ABLIM3: variants seen among roughly 807,000 people sequenced by gnomAD.
ABLIM3 encodes the protein actin-binding LIM protein 3.
Under a neutral mutation model 109.5 loss-of-function variants are expected in ABLIM3, and 61 were observed. That is an observed-to-expected ratio of 0.56 (90% CI 0.45 to 0.69). ABLIM3 has a LOEUF of 0.69. Ranked by LOEUF, ABLIM3 falls within the 30% of genes least tolerant of loss-of-function variation. ABLIM3 has a pLI of 0.00. For synonymous variants in ABLIM3, 300 were observed against 324.8 expected, an observed-to-expected ratio of 0.92 and a Z score of 0.82; for missense variants, 796 against 889.5, an observed-to-expected ratio of 0.89 and a Z score of 1.34.
chr5:149,250,641 C>A, intron 20 of ABLIM3, 136 bp downstream of exon 20: 1 of 1,014,182 alleles, frequency 9.9e-7, no homozygotes, highest in Non-Finnish European at 1.5e-6. Flanking sequence ...AACTGTATGG[C>A]AATGACTTGC....
chr5:149,147,743 C>T (rs1753065620), intron 2 of ABLIM3, among the ~76,000 whole-genome samples: 1 of 152,080 alleles, frequency 6.6e-6, no homozygotes, highest in African/African-American at 2.4e-5. Context: ...GTTCCAGGTT[C>T]CAGTTCTCAT....
At chr5:149,228,341 T>C (rs1162759904) in intron 8 of ABLIM3, among the ~76,000 whole-genome samples, 1 of 152,210 alleles carries the variant, frequency 6.6e-6, no homozygotes, top group Non-Finnish European at 1.5e-5. Flanking sequence ...AGCCTTAGAA[T>C]TGCATTTGAG....
At chr5:149,203,157 T>TATCATCATCACC (rs1758639705) in intron 5 of ABLIM3, among the ~76,000 whole-genome samples, 1 of 151,204 alleles carries the variant, frequency 6.6e-6, no homozygotes, top group Non-Finnish European at 1.5e-5. Context: ...TTATCATCAC[T>TATCATCATCACC]ACTATCATCA....
intron 2 of ABLIM3, among the ~76,000 whole-genome samples, chr5:149,161,065 G>A (rs1433109099): frequency 6.6e-6 from 1 of 152,160 alleles, no homozygotes; most frequent in Non-Finnish European, 1.5e-5. Flanking sequence ...GGGTGTGGAT[G>A]TGGCTGCCCT....
intron 2 of ABLIM3, among the ~76,000 whole-genome samples, chr5:149,152,405 T>A (rs1442037962): frequency 6.6e-6 from 1 of 152,198 alleles, no homozygotes; most frequent in Non-Finnish European, 1.5e-5. Flanking sequence ...TTGATTAACA[T>A]TGCCATGATA....
intron 3 of ABLIM3, among the ~76,000 whole-genome samples, chr5:149,185,787 G>A (rs1038638798): frequency 2.6e-5 from 4 of 152,054 alleles, no homozygotes; most frequent in African/African-American, 9.7e-5. Context: ...TTTCTTTTAC[G>A]ACTCTTTTAA....
intron 8 of ABLIM3, among the ~76,000 whole-genome samples, chr5:149,230,132 G>A (rs1165804088): frequency 6.6e-6 from 1 of 152,140 alleles, no homozygotes; most frequent in African/African-American, 2.4e-5. Flanking sequence ...TTGACCACCT[G>A]CTATGTGTCA....
chr5:149,234,107 T>G (rs1762124526), intron 10 of ABLIM3, among the ~76,000 whole-genome samples: 1 of 152,186 alleles, frequency 6.6e-6, no homozygotes, highest in Non-Finnish European at 1.5e-5. Context: ...ATTGCAGTTA[T>G]AAATTCCAGG....
In ABLIM3 at chr5:149,216,139, T is replaced by C. The variant is rs910552448; in HGVS notation, c.670-820T>C. On this transcript the variant is annotated intron_variant, in intron 7 of 23. Coordinates refer to ENST00000309868, the MANE Select transcript of ABLIM3 (RefSeq NM_014945.5). The stretch of plus-strand genomic sequence containing the variant: ...GGACTGGCCTGGGGATCTGGGGCTC[T>C]ACAGTGGGTCCTAAATCACCCACTG... Among the ~76,000 whole-genome samples the C allele has an allele frequency of 5.9e-5, 9 of 152,196 alleles. 1 individual carries two copies. The highest frequency in any genetic ancestry group is 5.9e-4 in the Admixed American group (9 of 15,282).
chr5:149,184,274 C>T (rs999614925), intron 3 of ABLIM3, among the ~76,000 whole-genome samples: 2 of 152,192 alleles, frequency 1.3e-5, no homozygotes, highest in African/African-American at 4.8e-5. Flanking sequence ...GTCTCTCCAG[C>T]CTCCACATCT....
chr5:149,195,595 G>A (rs1561574491), intron 3 of ABLIM3, among the ~76,000 whole-genome samples: 2 of 152,234 alleles, frequency 1.3e-5, no homozygotes, highest in East Asian at 1.9e-4. Context: ...GGCTCTGGGG[G>A]TGGAGTTGGC....
At chr5:149,149,179 A>T (rs1753197772) in intron 2 of ABLIM3, among the ~76,000 whole-genome samples, 1 of 152,250 alleles carries the variant, frequency 6.6e-6, no homozygotes, top group African/African-American at 2.4e-5. Flanking sequence ...CTCGAGTTCA[A>T]ACTCAAGATC....
intron 3 of ABLIM3, among the ~76,000 whole-genome samples, chr5:149,191,766 T>G (rs555123832): frequency 2.0e-5 from 3 of 152,390 alleles, no homozygotes; most frequent in African/African-American, 7.2e-5. Context: ...TGTATTTTGC[T>G]ATAAAGATAA....
chr5:149,159,445 A>G (rs546389952), intron 2 of ABLIM3, among the ~76,000 whole-genome samples: 204 of 152,290 alleles, frequency 1.3e-3, no homozygotes, highest in African/African-American at 4.6e-3. Flanking sequence ...TCTTGATTAA[A>G]CTGTTGTGGG....
intron 3 of ABLIM3, among the ~76,000 whole-genome samples, chr5:149,190,211 G>A (rs1396657147): frequency 1.3e-5 from 2 of 152,186 alleles, no homozygotes; most frequent in African/African-American, 4.8e-5. Flanking sequence ...GGGGTGGTTG[G>A]AGGAAGATAA....
chr5:149,228,380 T>C (rs17109812), intron 8 of ABLIM3, among the ~76,000 whole-genome samples: 6,550 of 152,240 alleles, frequency 0.043, 480 homozygotes, highest in African/African-American at 0.15. Context: ...CACCATCCTC[T>C]CATGGGTGCA....
chr5:149,237,082 T>G (rs1434612038), intron 10 of ABLIM3, among the ~76,000 whole-genome samples: 2 of 152,208 alleles, frequency 1.3e-5, no homozygotes, highest in Non-Finnish European at 2.9e-5. Flanking sequence ...TCAGGCTGAA[T>G]TCAAATCTAT....
chr5:149,170,967 A>G (rs900134017), intron 2 of ABLIM3, among the ~76,000 whole-genome samples: 3 of 152,156 alleles, frequency 2.0e-5, no homozygotes, highest in African/African-American at 7.2e-5. Context: ...CCATCTCTCC[A>G]TGGTACTTTC....
rs756056 is a variant in ABLIM3, at chr5:149,206,738, T to C, written c.449-270T>C. On this transcript the variant is annotated intron_variant, in intron 5 of 23. Transcript: ENST00000309868. The stretch of plus-strand genomic sequence containing the variant: ...GCAATTTGAGGAGGGCTGGAAGCAG[T>C]GCAGGGTCCACTTTCAGTGAACAAT... 6.9e-3 allele frequency among the ~76,000 whole-genome samples: 1,050 copies of C among 152,208 alleles called. 8 individuals are homozygous for C. The highest frequency in any genetic ancestry group is 0.024 in the African/African-American group (1,003 of 41,538).
Sources: gnomAD v4.1 joint callset for allele counts (sites outside exome capture counted in the v4.1 genomes callset) on GRCh38, gnomAD v4.1.1 for gene constraint, MANE v1.5 for transcripts, NCBI Gene and HGNC (gene_info 2026-07-23, HGNC 2026-07-21) for gene names.